Variants in PRKN observed in about 807,000 individuals in gnomAD.
PRKN encodes the protein E3 ubiquitin-protein ligase parkin.
In PRKN, 56 loss-of-function variants were observed where a neutral mutation model predicts 59.5. The observed-to-expected ratio is 0.94, with a 90% CI of 0.76 to 1.18. The LOEUF (loss-of-function observed/expected upper bound fraction) is 1.18, where lower values mean the gene tolerates loss of function less well. PRKN is among the 50% of genes most tolerant of loss of function. The pLI, the probability that PRKN is intolerant of heterozygous loss-of-function variation, is 0.00. For missense variants in PRKN, 657 were observed against 596.4 expected, an observed-to-expected ratio of 1.10 and a Z score of -1.06; for synonymous variants, 250 against 222.1, an observed-to-expected ratio of 1.13 and a Z score of -1.12.
chr6:161,408,372 G>A (rs1020606856), intron 9 of PRKN, among the ~76,000 whole-genome samples: 3 of 150,082 alleles, frequency 2.0e-5, no homozygotes, highest in African/African-American at 4.9e-5. Flanking sequence ...TTAAAATTGC[G>A]GACATGTGGG....
At chr6:162,232,225 G>A (rs1410351080) in intron 3 of PRKN, among the ~76,000 whole-genome samples, 4 of 152,128 alleles carry the variant, frequency 2.6e-5, no homozygotes, top group East Asian at 1.9e-4. Flanking sequence ...CCTATTTTCT[G>A]AGCCTAGCTC....
intron 3 of PRKN, among the ~76,000 whole-genome samples, chr6:162,210,398 C>CA (rs921528409): frequency 2.0e-5 from 3 of 151,924 alleles, no homozygotes; most frequent in African/African-American, 4.8e-5. Context: ...TATTTGCTGC[C>CA]AAAAAAATTC....
At chr6:162,675,032 AT>A (rs930224317) in intron 1 of PRKN, among the ~76,000 whole-genome samples, 1 of 12,552 alleles carries the variant, frequency 8.0e-5, no homozygotes, top group Non-Finnish European at 1.6e-4. Context: ...ACTTTATTTT[AT>A]TTATTTATTT....
intron 3 of PRKN, among the ~76,000 whole-genome samples, chr6:162,205,008 G>A (rs985303144): frequency 1.1e-4 from 17 of 151,800 alleles, no homozygotes; most frequent in Non-Finnish European, 1.6e-4. Context: ...AACTACAGGC[G>A]TGCACCACCA....
chr6:161,729,024 T>C (rs918756875), intron 7 of PRKN, among the ~76,000 whole-genome samples: 3 of 152,188 alleles, frequency 2.0e-5, no homozygotes, highest in Non-Finnish European at 4.4e-5. Flanking sequence ...GAAATAATTC[T>C]AACAGTTGAA....
intron 1 of PRKN, among the ~76,000 whole-genome samples, chr6:162,541,328 G>T (rs13194488): frequency 0.087 from 13,288 of 152,232 alleles, 727 homozygotes; most frequent in South Asian, 0.18. Context: ...AGGCCTAAAA[G>T]TTGAGGCATG....
At chr6:161,996,167 G>A (rs73606842) in intron 5 of PRKN, among the ~76,000 whole-genome samples, 3,127 of 121,996 alleles carry the variant, frequency 0.026, 118 homozygotes, top group African/African-American at 0.092. Flanking sequence ...TAAAGAAAAC[G>A]TGGTGTGTAC....
At chr6:161,536,384 G>A (rs537272620) in intron 9 of PRKN, among the ~76,000 whole-genome samples, 12 of 151,680 alleles carry the variant, frequency 7.9e-5, no homozygotes, top group Non-Finnish European at 1.0e-4. Flanking sequence ...CTACTGACCC[G>A]GAAAATGAGG....
At chr6:162,720,766 A>G (rs1051871479) in intron 1 of PRKN, among the ~76,000 whole-genome samples, 2 of 152,128 alleles carry the variant, frequency 1.3e-5, no homozygotes, top group African/African-American at 4.8e-5. Flanking sequence ...TGGTCTTAAT[A>G]TGTGCCTAGG....
intron 9 of PRKN, among the ~76,000 whole-genome samples, chr6:161,520,849 A>G (rs1014185559): frequency 1.2e-4 from 19 of 152,232 alleles, no homozygotes; most frequent in African/African-American, 4.6e-4. Context: ...AAGACACAAG[A>G]AACTCCGCAT....
chr6:161,638,822 A>G (rs895810463), intron 7 of PRKN, among the ~76,000 whole-genome samples: 5 of 140,624 alleles, frequency 3.6e-5, no homozygotes, highest in East Asian at 2.0e-4. Context: ...GCTTACTGCA[A>G]CCTCCACCTC....
At chr6:162,608,183 G>A (rs1389151324) in intron 1 of PRKN, among the ~76,000 whole-genome samples, 1 of 152,200 alleles carries the variant, frequency 6.6e-6, no homozygotes, top group Non-Finnish European at 1.5e-5. Flanking sequence ...TATGGACCAG[G>A]GAGTCAGGTG....
intron 10 of PRKN, among the ~76,000 whole-genome samples, chr6:161,384,025 G>A (rs1341114820): frequency 6.6e-6 from 1 of 152,154 alleles, no homozygotes; most frequent in Non-Finnish European, 1.5e-5. Context: ...CATCTCCTGG[G>A]GGGGTCTAAC....
chr6:161,901,199 G>A (rs895898638), intron 6 of PRKN, among the ~76,000 whole-genome samples: 1 of 152,070 alleles, frequency 6.6e-6, no homozygotes, highest in African/African-American at 2.4e-5. Flanking sequence ...GCCTCCCAAA[G>A]TGCTGGGATT....
At chr6:162,394,338 C>T (rs951630142) in intron 2 of PRKN, among the ~76,000 whole-genome samples, 7 of 152,122 alleles carry the variant, frequency 4.6e-5, no homozygotes, top group Admixed American at 3.3e-4. Flanking sequence ...CGTACTTCCA[C>T]GAGCTTCGGG....
At chr6:162,656,919 A>T (rs1266350479) in intron 1 of PRKN, among the ~76,000 whole-genome samples, 1 of 152,172 alleles carries the variant, frequency 6.6e-6, no homozygotes, top group Non-Finnish European at 1.5e-5. Flanking sequence ...CTTAGTTAGG[A>T]GCTTTCCTCT....
chr6:162,117,400 G>A (rs1364731670), intron 4 of PRKN, among the ~76,000 whole-genome samples: 4 of 152,206 alleles, frequency 2.6e-5, no homozygotes, highest in African/African-American at 4.8e-5. Context: ...CAGATCCCAC[G>A]CTGTGGCCCT....
Position 161,538,614 on chromosome 6 carries a change from G to C in PRKN, c.1083+10240C>G, listed in dbSNP as rs1471094548. 6.6e-6 allele frequency among the ~76,000 whole-genome samples: 1 copy of C among 152,074 alleles called. No homozygotes were observed. The highest frequency in any genetic ancestry group is 1.9e-4 in the East Asian group (1 of 5,172). ...GAGTCTTTGAGGACTTCAACTGGTA[G>C]AATCCTGGGGCCCACTGAGATGCCA... On this transcript the variant is annotated intron_variant, in intron 9 of 11. Coordinates refer to ENST00000366898, the MANE Select transcript of PRKN (RefSeq NM_004562.3). The surrounding 1 kb of genome is among the most constrained non-coding windows in gnomAD (Gnocchi z 4.2).
At chr6:162,616,137 A>T (rs1290581773) in intron 1 of PRKN, among the ~76,000 whole-genome samples, 1 of 152,166 alleles carries the variant, frequency 6.6e-6, no homozygotes, top group Non-Finnish European at 1.5e-5. Context: ...GAGACAGAAT[A>T]GGGTTTCCCT....
Sources: gnomAD v4.1 joint callset for allele counts (sites outside exome capture counted in the v4.1 genomes callset) on GRCh38, gnomAD v4.1.1 for gene constraint, Gnocchi (gnomAD v3.1) non-coding constraint, MANE v1.5 for transcripts, NCBI Gene and HGNC (gene_info 2026-07-23, HGNC 2026-07-21) for gene names.